Variants in DNM3 observed in about 807,000 individuals in gnomAD.
DNM3 encodes dynamin 3.
Under a neutral mutation model 101.6 loss-of-function variants are expected in DNM3, and 47 were observed. The observed-to-expected ratio is 0.46, with a 90% CI of 0.37 to 0.59. The LOEUF (loss-of-function observed/expected upper bound fraction) is 0.59, where lower values mean the gene tolerates loss of function less well. Ranked by LOEUF, DNM3 falls within the 20% of genes least tolerant of loss-of-function variation. The probability of loss-of-function intolerance (pLI) is 0.00; values close to 1 mark genes in which losing one functional copy is unlikely to be tolerated. For missense variants in DNM3, 849 were observed against 1,085.7 expected (o/e 0.78, Z 3.06); for synonymous variants, 385 against 387.9 (o/e 0.99, Z 0.09).
intron 2 of DNM3, among the ~76,000 whole-genome samples, chr1:171,966,639 G>A (rs970816089): frequency 2.6e-5 from 4 of 152,292 alleles, no homozygotes; most frequent in African/African-American, 9.6e-5. Context: ...TTACACAATA[G>A]AGTCATACAC....
chr1:172,329,275 A>G (rs996314415), intron 17 of DNM3, among the ~76,000 whole-genome samples: 1 of 152,282 alleles, frequency 6.6e-6, no homozygotes, highest in Non-Finnish European at 1.5e-5. Flanking sequence ...TGAATATTGA[A>G]TGTCTGGTAA....
chr1:172,315,291 A>G (rs1028318773), intron 16 of DNM3, among the ~76,000 whole-genome samples: 8 of 152,332 alleles, frequency 5.3e-5, no homozygotes, highest in Middle Eastern at 3.4e-3. Flanking sequence ...AAGATGGGGA[A>G]AAAACAGAGC....
intron 13 of DNM3, among the ~76,000 whole-genome samples, chr1:172,104,807 C>T (rs1426008244): frequency 1.3e-5 from 2 of 152,124 alleles, no homozygotes; most frequent in East Asian, 3.8e-4. Context: ...TTCCCTGTAA[C>T]CTGTCTGAGA....
intron 14 of DNM3, among the ~76,000 whole-genome samples, chr1:172,234,388 G>A (rs1288304129): frequency 2.0e-5 from 3 of 151,418 alleles, no homozygotes; most frequent in Non-Finnish European, 4.4e-5. Context: ...AAATAAAAGA[G>A]GATACAAATG....
chr1:171,909,495 G>A (rs953635093), intron 1 of DNM3, among the ~76,000 whole-genome samples: 1 of 151,712 alleles, frequency 6.6e-6, no homozygotes, highest in Non-Finnish European at 1.5e-5. Context: ...ATTAGAAGAG[G>A]CATCAGAAGA....
At chr1:172,216,902 T>A (rs1336475726) in intron 14 of DNM3, among the ~76,000 whole-genome samples, 1 of 152,150 alleles carries the variant, frequency 6.6e-6, no homozygotes, top group African/African-American at 2.4e-5. Context: ...TAATTGGATA[T>A]GTATCTAGAT....
chr1:172,092,917 G>A (rs1209926353), intron 13 of DNM3, 42 bp downstream of exon 13: 1 of 1,505,780 alleles, frequency 6.6e-7, no homozygotes, highest in African/African-American at 1.4e-5. Context: ...ATGTCCCAAA[G>A]AATTTGAACT....
chr1:172,283,350 C>T (rs1276032588), intron 15 of DNM3, among the ~76,000 whole-genome samples: 1 of 152,180 alleles, frequency 6.6e-6, no homozygotes, highest in African/African-American at 2.4e-5. Context: ...GTTGGCAGGA[C>T]TTGACCAACA....
intron 17 of DNM3, among the ~76,000 whole-genome samples, chr1:172,349,014 AGC>A (rs1273384760): frequency 1.3e-5 from 2 of 152,170 alleles, no homozygotes; most frequent in African/African-American, 4.8e-5. Flanking sequence ...TCCTAAACAG[AGC>A]ACCTTCTCTG....
chr1:172,224,521 T>C (rs1267735583), intron 14 of DNM3, among the ~76,000 whole-genome samples: 1 of 152,048 alleles, frequency 6.6e-6, no homozygotes, highest in Non-Finnish European at 1.5e-5. Flanking sequence ...GGATGGTAAA[T>C]TGACCCGAGG....
chr1:172,391,835 A>G (rs569476065), intron 20 of DNM3, among the ~76,000 whole-genome samples: 53 of 152,318 alleles, frequency 3.5e-4, no homozygotes, highest in Non-Finnish European at 4.4e-4. Flanking sequence ...TTGGGCTTTA[A>G]TATTACAAAG....
intron 4 of DNM3, among the ~76,000 whole-genome samples, chr1:172,017,717 A>C (rs773881944): frequency 6.6e-6 from 1 of 152,002 alleles, no homozygotes; most frequent in Non-Finnish European, 1.5e-5. Flanking sequence ...TATCCAGTTG[A>C]TTATGTTGCT....
chr1:171,842,568 T>C (rs191779406), intron 1 of DNM3, among the ~76,000 whole-genome samples: 3 of 152,166 alleles, frequency 2.0e-5, no homozygotes, highest in East Asian at 1.9e-4. Flanking sequence ...CGTGGACTTA[T>C]GTTGTCCAGG....
At chr1:171,910,436 C>G (rs984212493) in intron 1 of DNM3, among the ~76,000 whole-genome samples, 2 of 152,176 alleles carry the variant, frequency 1.3e-5, no homozygotes, top group African/African-American at 2.4e-5. Flanking sequence ...CACTATCTGC[C>G]TGTTAGTATT....
intron 17 of DNM3, among the ~76,000 whole-genome samples, chr1:172,343,965 A>T (rs1334362902): frequency 2.0e-5 from 3 of 152,170 alleles, no homozygotes; most frequent in Middle Eastern, 3.2e-3. Context: ...TTGTTTTTTT[A>T]AAATATAAAC....
intron 14 of DNM3, among the ~76,000 whole-genome samples, chr1:172,234,172 T>G (rs10911347): frequency 0.17 from 25,363 of 152,196 alleles, 2,496 homozygotes; most frequent in East Asian, 0.28. Flanking sequence ...CTCCTTAAGC[T>G]GATAAGCAAC....
At chr1:172,060,251 C>T (rs1160023373) in intron 10 of DNM3, among the ~76,000 whole-genome samples, 10 of 126,222 alleles carry the variant, frequency 7.9e-5, no homozygotes, top group Admixed American at 1.7e-4. Flanking sequence ...GAATCAATAT[C>T]GTGAAAATGG....
chr1:172,032,507 T>G lies in DNM3; in HGVS notation c.688+7T>G, dbSNP rs775334713. Reference sequence around the variant, plus strand: ...CTGTTGCCTCTTCGCAGGGGTAATGTACTGTGGTCTATACAAGACTTTTTT... The same window carrying G: ...CTGTTGCCTCTTCGCAGGGGTAATGGACTGTGGTCTATACAAGACTTTTTT... On this transcript the variant is annotated splice_region_variant and intron_variant, in intron 5 of 20. Transcript: ENST00000627582. 6.2e-6 allele frequency: 9 copies of G among 1,449,570 alleles called. No homozygotes were observed. In the Admixed American group the frequency reaches 1.2e-4, roughly 19 times the overall value. The allele number at this position is 1,449,570 out of a possible 1,614,324, so 89.8% of individuals were successfully genotyped here.
chr1:171,862,883 G>C (rs2034325087), intron 1 of DNM3, among the ~76,000 whole-genome samples: 1 of 152,086 alleles, frequency 6.6e-6, no homozygotes. Flanking sequence ...AAAATCTAGA[G>C]ACTCTTTAGA....
Sources: allele counts gnomAD v4.1 joint callset (sites outside exome capture counted in the v4.1 genomes callset), GRCh38; gene constraint gnomAD v4.1.1; transcripts MANE v1.5; gene names NCBI Gene and HGNC (gene_info 2026-07-23, HGNC 2026-07-21).